CHMP3: variants seen among roughly 807,000 people sequenced by gnomAD.
CHMP3 encodes 25.1 protein.
Under a neutral mutation model 27.4 loss-of-function variants are expected in CHMP3, and 8 were observed. The observed-to-expected ratio is 0.29, with a 90% CI of 0.17 to 0.53. CHMP3 has a LOEUF of 0.53. Among genes scored for constraint, CHMP3 ranks in the 20% least tolerant of loss-of-function variants. The probability of loss-of-function intolerance (pLI) is 0.96; values close to 1 mark genes in which losing one functional copy is unlikely to be tolerated. For missense variants in CHMP3, 208 were observed against 271.5 expected (o/e 0.77, Z 1.64); for synonymous variants, 86 against 85.5 (o/e 1.01, Z -0.03).
At chr2:86,556,498 C>T (rs1407064826) in intron 1 of CHMP3, among the ~76,000 whole-genome samples, 1 of 152,038 alleles carries the variant, frequency 6.6e-6, no homozygotes, top group East Asian at 1.9e-4. Context: ...CATGGAAGGT[C>T]GGGAGGTTTT....
chr2:86,518,009 A>G (rs1173990340), intron 3 of CHMP3, among the ~76,000 whole-genome samples: 2 of 152,190 alleles, frequency 1.3e-5, no homozygotes, highest in Non-Finnish European at 2.9e-5. Flanking sequence ...AACAGACCCT[A>G]TCTCAAAAAT....
chr2:86,515,078 T>G (rs1413219831), intron 3 of CHMP3: 1 of 152,152 alleles, frequency 6.6e-6, no homozygotes, highest in Non-Finnish European at 1.5e-5. Flanking sequence ...CAGGCCTGTC[T>G]GCAGATCTCT....
At chr2:86,545,637 C>T (rs1444395455) in intron 1 of CHMP3, among the ~76,000 whole-genome samples, 25 of 148,406 alleles carry the variant, frequency 1.7e-4, no homozygotes, top group African/African-American at 6.0e-4. Context: ...CGGGCAGAGG[C>T]GCTCCTCAGT....
intron 1 of CHMP3, among the ~76,000 whole-genome samples, chr2:86,555,981 T>C (rs1325214973): frequency 1.3e-5 from 2 of 152,190 alleles, no homozygotes; most frequent in Admixed American, 6.5e-5. Context: ...TTATCCTCTG[T>C]TTTTTAACTT....
intron 1 of CHMP3, among the ~76,000 whole-genome samples, chr2:86,554,643 T>A (rs76614946): frequency 0.045 from 6,849 of 152,266 alleles, 267 homozygotes; most frequent in East Asian, 0.14. Flanking sequence ...AATTTGGCAG[T>A]ATTTTTGTAC....
chr2:86,529,697 A>G lies in CHMP3; in HGVS notation c.107-300T>C, dbSNP rs142213758. Among the ~76,000 whole-genome samples, 22 of 152,326 alleles carry G rather than the reference A, an allele frequency of 1.4e-4. No individual in the cohort carries two copies. The East Asian group carries it at 4.2e-3, about 29-fold the overall frequency. On this transcript the variant is annotated intron_variant, in intron 2 of 5. Coordinates refer to ENST00000263856, the MANE Select transcript of CHMP3 (RefSeq NM_016079.4). ...ATTCCAGAGCTTGCTCCAATAATCAATAAGTAGTATTCCCACAATTATAAG... is the reference window on the plus strand; with the variant it reads ...ATTCCAGAGCTTGCTCCAATAATCAGTAAGTAGTATTCCCACAATTATAAG...
chr2:86,539,025 G>C (rs747699426), intron 2 of CHMP3, among the ~76,000 whole-genome samples: 3 of 152,090 alleles, frequency 2.0e-5, no homozygotes, highest in Admixed American at 2.0e-4. Context: ...TTCCCCCCGA[G>C]TAAGTATAGC....
chr2:86,539,549 G>A (rs1330577146), intron 2 of CHMP3, among the ~76,000 whole-genome samples: 6 of 152,054 alleles, frequency 3.9e-5, no homozygotes, highest in Admixed American at 3.9e-4. Flanking sequence ...GGAAAAATGA[G>A]CTATGGATGT....
At chr2:86,543,351 GA>G (rs1676435504) in intron 1 of CHMP3, among the ~76,000 whole-genome samples, 1 of 152,184 alleles carries the variant, frequency 6.6e-6, no homozygotes, top group African/African-American at 2.4e-5. Context: ...GAATCAAAAT[GA>G]AGTCACTAGT....
chr2:86,553,911 TA>T (rs1325656585), intron 1 of CHMP3, among the ~76,000 whole-genome samples: 1 of 152,236 alleles, frequency 6.6e-6, no homozygotes, highest in African/African-American at 2.4e-5. Flanking sequence ...AACATTTGAT[TA>T]TACAGGTTTT....
In CHMP3 at chr2:86,547,685, G is replaced by A. The variant is rs150457731; in HGVS notation, c.46-5373C>T. Among the ~76,000 whole-genome samples the A allele has an allele frequency of 4.5e-4, 68 of 152,258 alleles. No homozygotes were observed. The East Asian group carries it at 0.011, about 26-fold the overall frequency. ...GAGCTCAAGAAAATGTATCAAGCAA[G>A]TCTCATAACTGTAAAGACTACTACA... On this transcript the variant is annotated intron_variant, in intron 1 of 5. Coordinates refer to ENST00000263856, the MANE Select transcript of CHMP3 (RefSeq NM_016079.4).
At chr2:86,560,297 G>C (rs1417206141) in intron 1 of CHMP3, among the ~76,000 whole-genome samples, 2 of 152,010 alleles carry the variant, frequency 1.3e-5, no homozygotes, top group African/African-American at 4.8e-5. Flanking sequence ...ATTCACAATA[G>C]CAAAGACTTG....
In CHMP3 at chr2:86,503,967, G is replaced by A. The variant is rs1027884442; in HGVS notation, c.*1837C>T. The A allele has an allele frequency of 6.6e-6, 1 of 152,170 alleles. No homozygotes were observed. Among genetic ancestry groups the A allele is most frequent in the Non-Finnish European group, 1.5e-5 (1 of 68,030 alleles). 9.4% of individuals were successfully genotyped at this position (152,170 alleles called of 1,614,324 possible). On this transcript the variant is annotated 3_prime_UTR_variant, in exon 6 of 6. Transcript: ENST00000263856. ...TGGGAAAAGGGACAGGACCAGAAAA[G>A]TAACTATTGGGTACTAGGCTTAGTA...
intron 3 of CHMP3, among the ~76,000 whole-genome samples, chr2:86,527,569 C>T (rs1675764304): frequency 6.6e-6 from 1 of 152,152 alleles, no homozygotes; most frequent in South Asian, 2.1e-4. Flanking sequence ...CTTTATGGCA[C>T]TGATACTCAG....
intron 3 of CHMP3, among the ~76,000 whole-genome samples, chr2:86,523,220 C>T (rs1018544042): frequency 6.6e-6 from 1 of 152,114 alleles, no homozygotes; most frequent in African/African-American, 2.4e-5. Context: ...TTCTTTTTGG[C>T]CCCAGGGCCT....
At chr2:86,529,691 T>A (rs192479888) in intron 2 of CHMP3, among the ~76,000 whole-genome samples, 300 of 152,300 alleles carry the variant, frequency 2.0e-3, no homozygotes, top group African/African-American at 7.0e-3. Context: ...CTTGCTCCAA[T>A]AATCAATAAG....
At chr2:86,540,823 C>G (rs1484566385) in intron 2 of CHMP3, 4 of 146,828 alleles carry the variant, frequency 2.7e-5, no homozygotes, top group Non-Finnish European at 6.0e-5. Flanking sequence ...ATTCAATCAT[C>G]TTTTTTTGTG....
intron 3 of CHMP3, among the ~76,000 whole-genome samples, chr2:86,518,474 A>G (rs1675399371): frequency 6.6e-6 from 1 of 152,212 alleles, no homozygotes; most frequent in Non-Finnish European, 1.5e-5. Flanking sequence ...TCCACTTGAA[A>G]AAAAATAACT....
chr2:86,529,284 C>T lies in CHMP3; in HGVS notation c.220G>A (p.Val74Met). 1 of 1,613,680 alleles carries T rather than the reference C, an allele frequency of 6.2e-7. No homozygotes were observed. The highest frequency in any genetic ancestry group is 8.5e-7 in the Non-Finnish European group (1 of 1,179,840). Reference protein sequence around the residue: ...AKEMIRSRKAVSKLYASKAHM... With the variant: ...AKEMIRSRKAMSKLYASKAHM... ...GCTTTGGATGCATACAGCTTGCTCACAGCCTTCCTTGACCTGATCATCTCC... is the reference window on the plus strand; with the variant it reads ...GCTTTGGATGCATACAGCTTGCTCATAGCCTTCCTTGACCTGATCATCTCC... The change falls in exon 3 of 6, where the codon GTG becomes ATG. Residue 74 changes from valine (V) to methionine (M), a missense_variant. By Grantham distance (21) the Val-to-Met change is conservative. Transcript: ENST00000263856.
Sources: gnomAD v4.1 joint callset for allele counts (sites outside exome capture counted in the v4.1 genomes callset) on GRCh38, gnomAD v4.1.1 for gene constraint, MANE v1.5 for transcripts, NCBI Gene and HGNC (gene_info 2026-07-23, HGNC 2026-07-21) for gene names.